The following PTPRO variants were observed in gnomAD, a reference collection of about 807,000 sequenced individuals.
PTPRO encodes the protein protein tyrosine phosphatase receptor type O, also known as receptor-type tyrosine-protein phosphatase O.
Under a neutral mutation model 145.2 loss-of-function variants are expected in PTPRO, and 62 were observed. The ratio of observed to expected loss-of-function variants is 0.43; its 90% CI spans 0.35 to 0.53. The LOEUF (loss-of-function observed/expected upper bound fraction) is 0.53. PTPRO is among the 20% of genes least tolerant of loss of function. PTPRO has a pLI of 0.01. For synonymous variants in PTPRO, 565 were observed against 514.7 expected, an observed-to-expected ratio of 1.10 and a Z score of -1.32; for missense variants, 1,345 against 1,482.7, an observed-to-expected ratio of 0.91 and a Z score of 1.53.
intron 15 of PTPRO, among the ~76,000 whole-genome samples, 170 bp from the exon 16 acceptor site, chr12:15,557,285 C>T (rs1005162567): frequency 6.6e-6 from 1 of 152,198 alleles, no homozygotes; most frequent in African/African-American, 2.4e-5. Flanking sequence ...CCACCTCGGC[C>T]TCCCAAAGTA....
Position 15,358,954 on chromosome 12 carries a change from T to C in PTPRO, c.75+36153T>C, listed in dbSNP as rs201839467. 5.3e-5 allele frequency among the ~76,000 whole-genome samples: 8 copies of C among 152,374 alleles called. No individual in the cohort carries two copies. In the East Asian group the frequency reaches 1.5e-3, roughly 29 times the overall value. ...CACTTTTGTTTCCTCCTGCTTTTTA[T>C]ATTTTATGGAATGAGTCCAAAATGA... On this transcript the variant is annotated intron_variant, in intron 1 of 26. Coordinates refer to ENST00000281171, the MANE Select transcript of PTPRO (RefSeq NM_030667.3).
chr12:15,490,752 G>A (rs1285948011), intron 2 of PTPRO, among the ~76,000 whole-genome samples: 1 of 152,086 alleles, frequency 6.6e-6, no homozygotes, highest in Non-Finnish European at 1.5e-5. Flanking sequence ...AGTATCAATG[G>A]CATTAAATAG....
intron 10 of PTPRO, among the ~76,000 whole-genome samples, chr12:15,523,185 A>G (rs1565683233): frequency 6.6e-6 from 1 of 152,250 alleles, no homozygotes; most frequent in Non-Finnish European, 1.5e-5. Flanking sequence ...TAATTTTGAA[A>G]GCATAGCTAG....
In PTPRO at chr12:15,598,162, G is replaced by A. The variant is rs1223089230; in HGVS notation, c.*2089G>A. On this transcript the variant is annotated 3_prime_UTR_variant, in exon 27 of 27. Transcript: ENST00000281171. ...ATCCAGAGTTTAGACTGAAGGCTTA[G>A]AGTCAAAACTACAGGAAGGTCACAC... 6.6e-6 allele frequency among the ~76,000 whole-genome samples: 1 copy of A among 152,182 alleles called. No individual in the cohort carries two copies. The highest frequency in any genetic ancestry group is 2.4e-5 in the African/African-American group (1 of 41,448).
chr12:15,325,737 T>A (rs1425376800), intron 1 of PTPRO, among the ~76,000 whole-genome samples: 1 of 152,186 alleles, frequency 6.6e-6, no homozygotes, highest in African/African-American at 2.4e-5. Flanking sequence ...CTAGAAAATG[T>A]CTTCCTGTAT....
intron 19 of PTPRO, among the ~76,000 whole-genome samples, chr12:15,576,924 T>G (rs1382910961): frequency 6.6e-6 from 1 of 152,188 alleles, no homozygotes; most frequent in Non-Finnish European, 1.5e-5. Context: ...ATTTAAGCAA[T>G]GGAAGCATCA....
At chr12:15,523,743 C>G (rs1408995892) in intron 10 of PTPRO, among the ~76,000 whole-genome samples, 1 of 151,556 alleles carries the variant, frequency 6.6e-6, no homozygotes, top group East Asian at 1.9e-4. Context: ...CCACTGCACT[C>G]CAGCTTGCGT....
intron 10 of PTPRO, among the ~76,000 whole-genome samples, chr12:15,522,797 A>G (rs1942753436): frequency 6.6e-6 from 1 of 152,228 alleles, no homozygotes; most frequent in Non-Finnish European, 1.5e-5. Context: ...TTCCAGCAAT[A>G]TGCTAGGTTT....
intron 1 of PTPRO, among the ~76,000 whole-genome samples, chr12:15,435,004 C>T: frequency 6.6e-6 from 1 of 152,096 alleles, no homozygotes; most frequent in East Asian, 1.9e-4. Flanking sequence ...TAACTCCTAC[C>T]CTTCTCCTCT....
In PTPRO at chr12:15,322,912, G is replaced by C. The variant is rs973957512; in HGVS notation, c.75+111G>C. On this transcript the variant is annotated intron_variant, in intron 1 of 26. Transcript: ENST00000281171. The surrounding 1 kb of genome is among the most constrained non-coding windows in gnomAD (Gnocchi z 6.3). ...CGCCCCAGGGCACGATGGCCCAGCC[G>C]CGGGAAGCGCCTGCCGTGCAGCCTG... The C allele has an allele frequency of 2.8e-6, 3 of 1,067,484 alleles. No individual in the cohort carries two copies. Among genetic ancestry groups the C allele is most frequent in the Non-Finnish European group, 4.1e-6 (3 of 738,564 alleles). 66.1% of individuals were successfully genotyped at this position (1,067,484 alleles called of 1,614,324 possible).
intron 1 of PTPRO, among the ~76,000 whole-genome samples, chr12:15,359,629 G>A (rs2136240921): frequency 6.6e-6 from 1 of 151,808 alleles, no homozygotes; most frequent in African/African-American, 2.4e-5. Flanking sequence ...ATATTGGCCA[G>A]GCTGGTCTTG....
At chr12:15,333,302 T>C (rs1866664834) in intron 1 of PTPRO, among the ~76,000 whole-genome samples, 1 of 152,244 alleles carries the variant, frequency 6.6e-6, no homozygotes, top group Non-Finnish European at 1.5e-5. Flanking sequence ...TAAGCTTCTT[T>C]TTCTTCAGAG....
chr12:15,478,772 C>G (rs1317858010), intron 1 of PTPRO, among the ~76,000 whole-genome samples: 4 of 152,030 alleles, frequency 2.6e-5, no homozygotes, highest in Admixed American at 1.3e-4. Context: ...CCCAGGTTCA[C>G]CCCATTCTCC....
intron 13 of PTPRO, 89 bp from the exon 14 acceptor site, chr12:15,549,005 C>T: frequency 3.6e-6 from 5 of 1,383,380 alleles, no homozygotes; most frequent in South Asian, 3.6e-5. Flanking sequence ...TTTACTCTGT[C>T]AATCTATTAC....
chr12:15,557,556 G>A, intron 16 of PTPRO, 33 bp downstream of exon 16: 1 of 1,584,640 alleles, frequency 6.3e-7, no homozygotes, highest in Non-Finnish European at 8.7e-7. Flanking sequence ...CTTCTACATA[G>A]TTTAACTATG....
At chr12:15,462,999 C>T (rs1237388071) in intron 1 of PTPRO, among the ~76,000 whole-genome samples, 2 of 151,780 alleles carry the variant, frequency 1.3e-5, no homozygotes, top group African/African-American at 4.8e-5. Flanking sequence ...ATATATAACT[C>T]ATCATATTAT....
chr12:15,576,585 G>C (rs1341090234), intron 19 of PTPRO, among the ~76,000 whole-genome samples: 1 of 152,160 alleles, frequency 6.6e-6, no homozygotes, highest in Non-Finnish European at 1.5e-5. Flanking sequence ...AAGAGTTGTT[G>C]GTCTGCTGGC....
chr12:15,343,732 G>A (rs1406039079), intron 1 of PTPRO, among the ~76,000 whole-genome samples: 1 of 152,086 alleles, frequency 6.6e-6, no homozygotes, highest in Non-Finnish European at 1.5e-5. Flanking sequence ...CTGGAGTCTC[G>A]CTCTGTCGCC....
chr12:15,478,753 G>A (rs1941713040), intron 1 of PTPRO, among the ~76,000 whole-genome samples: 2 of 151,896 alleles, frequency 1.3e-5, no homozygotes, highest in Admixed American at 1.3e-4. Flanking sequence ...CTCACTGCAA[G>A]CTCCACCTCC....
Sources: gnomAD v4.1 joint callset for allele counts (sites outside exome capture counted in the v4.1 genomes callset) on GRCh38, gnomAD v4.1.1 for gene constraint, Gnocchi (gnomAD v3.1) non-coding constraint, MANE v1.5 for transcripts, NCBI Gene and HGNC (gene_info 2026-07-23, HGNC 2026-07-21) for gene names.